The following PLCD3 variants were observed in gnomAD, a reference collection of about 807,000 sequenced individuals.
The protein encoded by PLCD3 is 1-phosphatidylinositol 4,5-bisphosphate phosphodiesterase delta-3.
A neutral mutation model predicts 82.8 loss-of-function variants in PLCD3; 62 were observed. The ratio of observed to expected loss-of-function variants is 0.75; its 90% CI spans 0.61 to 0.93. PLCD3 has a LOEUF of 0.93. PLCD3 is among the 40% of genes least tolerant of loss of function. PLCD3 has a pLI of 0.00. For synonymous variants in PLCD3, 478 were observed against 471.8 expected (o/e 1.01, Z -0.17); for missense variants, 1,023 against 1,103.4 (o/e 0.93, Z 1.03).
Position 45,118,676 on chromosome 17 carries a change from T to C in PLCD3, c.913+139A>G, listed in dbSNP as rs2054311513. Reference sequence around the variant, plus strand: ...GAGGAAGACAAACTGTTGTGCCATTTTACACATGTGGAAGCTGAGTCTGGA... The same window carrying C: ...GAGGAAGACAAACTGTTGTGCCATTCTACACATGTGGAAGCTGAGTCTGGA... On this transcript the variant is annotated intron_variant, in intron 5 of 14. Coordinates refer to ENST00000619929, the MANE Select transcript of PLCD3 (RefSeq NM_133373.5). The surrounding 1 kb of genome is among the most constrained non-coding windows in gnomAD (Gnocchi z 4.1). 4 of 1,126,372 alleles carry C rather than the reference T, an allele frequency of 3.6e-6. No homozygotes were observed. The highest frequency in any genetic ancestry group is 3.0e-4 in the Middle Eastern group (1 of 3,358). 69.8% of individuals were successfully genotyped at this position (1,126,372 alleles called of 1,614,324 possible). A position where few individuals can be genotyped will look rare whatever the true frequency, so the allele number is the denominator to read the frequency against.
chr17:45,115,624 G>T, intron 8 of PLCD3, 134 bp from the exon 9 acceptor site: 1 of 758,888 alleles, frequency 1.3e-6, no homozygotes, highest in Non-Finnish European at 2.1e-6. Flanking sequence ...ACAGAGATGA[G>T]CGATGTTTCT....
chr17:45,124,282 C>A (rs2054364802), intron 1 of PLCD3, among the ~76,000 whole-genome samples: 1 of 152,264 alleles, frequency 6.6e-6, no homozygotes, highest in African/African-American at 2.4e-5. Flanking sequence ...AGCCTGAACG[C>A]CTGACTGGGC....
chr17:45,113,176 G>A lies in PLCD3; in HGVS notation c.2077C>T (p.His693Tyr). 2 of 1,612,756 alleles carry A rather than the reference G, an allele frequency of 1.2e-6. No homozygotes were observed. Among genetic ancestry groups the A allele is most frequent in the Non-Finnish European group, 1.7e-6 (2 of 1,179,470 alleles). The change falls in exon 13 of 15, where the codon CAT becomes TAT. Residue 693 changes from histidine to tyrosine, a missense_variant. His to Tyr is a moderately conservative substitution (Grantham distance 83). Coordinates refer to ENST00000619929, the MANE Select transcript of PLCD3 (RefSeq NM_133373.5). ...IVDPLVRIEI[H>Y]GVPADCARQE... ...CGGGCACAGTCTGCGGGCACCCCAT[G>A]GATCTCAATGCGCACCAGGGGGTCC... is the stretch of plus-strand genomic sequence containing the variant.
At position 45,116,722 on chromosome 17, in the gene PLCD3, G is replaced by A. The variant is rs2054294753; in HGVS notation, c.1323C>T (p.Ala441=). 2.5e-6 allele frequency: 4 copies of A among 1,610,620 alleles called. No homozygotes were observed. In the East Asian group the frequency reaches 9.0e-5, roughly 36 times the overall value. The part of the protein sequence containing the change: ...ENHCGLEQQA[A]MARHLCTILG... Reference sequence around the variant, plus strand: ...GGATGGTGCAGAGGTGGCGGGCCATGGCAGCCTGCTGCTCCAGCCCGCAGT... The same window carrying A: ...GGATGGTGCAGAGGTGGCGGGCCATAGCAGCCTGCTGCTCCAGCCCGCAGT... Residue 441 remains alanine (A), a synonymous_variant, in exon 8 of 15, where the codon GCC becomes GCT. Transcript: ENST00000619929.
rs1181672239 is a variant in PLCD3 at position 45,120,886 on chromosome 17, A to G, written c.554+16T>C. On this transcript the variant is annotated intron_variant, in intron 3 of 14. Transcript: ENST00000619929. ...CTCCAAGGATGGGGCCCTCCCTCCC[A>G]GCCCCGGCAGGATATTGGTCTAGCC... The G allele has an allele frequency of 1.4e-6, 2 of 1,414,100 alleles. No individual in the cohort carries two copies. The highest frequency in any genetic ancestry group is 5.5e-5 in the East Asian group (2 of 36,262). 87.6% of individuals were successfully genotyped at this position (1,414,100 alleles called of 1,614,324 possible). A position where few individuals can be genotyped will look rare whatever the true frequency, so the allele number is the denominator to read the frequency against.
chr17:45,121,400 C>T (rs1399500197), intron 1 of PLCD3, 28 bp from the exon 2 acceptor site: 1 of 1,473,272 alleles, frequency 6.8e-7, no homozygotes, highest in East Asian at 2.6e-5. Flanking sequence ...CCCGGGGCGT[C>T]AGGCCGTACC....
chr17:45,114,561 T>A (rs574017131), intron 10 of PLCD3, 195 bp from the exon 11 acceptor site: 26 of 522,170 alleles, frequency 5.0e-5, no homozygotes, highest in African/African-American at 4.8e-4. Context: ...CCACACAGCC[T>A]GGCCCTGCAT....
At chr17:45,123,871 G>A (rs924870236) in intron 1 of PLCD3, among the ~76,000 whole-genome samples, 2 of 152,058 alleles carry the variant, frequency 1.3e-5, no homozygotes, top group African/African-American at 4.8e-5. Context: ...GTACCCCCTG[G>A]TCAGGAAGGG....
At chr17:45,129,833 C>G (rs548126272) in intron 1 of PLCD3, among the ~76,000 whole-genome samples, 1 of 152,208 alleles carries the variant, frequency 6.6e-6, no homozygotes. Context: ...CCTCCTTCCC[C>G]GCTCATCTGG....
chr17:45,115,597 G>A (rs763122054), intron 8 of PLCD3, 107 bp from the exon 9 acceptor site: 7 of 1,026,642 alleles, frequency 6.8e-6, no homozygotes, highest in Non-Finnish European at 2.8e-6. Flanking sequence ...CTAGGGGTGG[G>A]AGGCAGGAAA....
In PLCD3 at chr17:45,115,357, G is replaced by C; in HGVS notation, c.1547C>G (p.Ala516Gly). The C allele has an allele frequency of 6.5e-7, 1 of 1,536,506 alleles. No individual in the cohort carries two copies. Among genetic ancestry groups the C allele is most frequent in the Non-Finnish European group, 8.8e-7 (1 of 1,137,616 alleles). ...CCCAGCTCTCACCAGCCGCCTCTGCGCTGCAGCCTCCACCTCCTCTTCTTC... is the reference window on the plus strand; with the variant it reads ...CCCAGCTCTCACCAGCCGCCTCTGCCCTGCAGCCTCCACCTCCTCTTCTTC... ...EEEEEEVEAA[A>G]QRRLAKQISP... The change falls in exon 9 of 15, where the codon GCG becomes GGG. Residue 516 changes from alanine (A) to glycine (G), a missense_variant. Physicochemically the swap from Ala to Gly is moderately conservative, Grantham distance 60. This residue lies in a region of PLCD3 where 553 missense variants were observed against 655.7 expected (regional missense o/e 0.84). Coordinates refer to ENST00000619929, the MANE Select transcript of PLCD3 (RefSeq NM_133373.5).
intron 3 of PLCD3, 109 bp downstream of exon 3, chr17:45,120,784 GTGCGCCCTC>G: frequency 8.7e-7 from 1 of 1,154,502 alleles, no homozygotes; most frequent in African/African-American, 2.1e-5. Context: ...GACCCAGACC[GTGCGCCCTC>G]AGGACAGGGC....
intron 4 of PLCD3, among the ~76,000 whole-genome samples, chr17:45,119,628 G>A (rs960598951): frequency 1.3e-5 from 2 of 152,202 alleles, no homozygotes; most frequent in African/African-American, 4.8e-5. Flanking sequence ...AGGAAAAATG[G>A]TGACCCTGGG....
At position 45,115,152 on chromosome 17, in the gene PLCD3, T is replaced by C. The variant is rs1322400592; in HGVS notation, c.1653A>G (p.Gln551=). The C allele has an allele frequency of 5.6e-6, 9 of 1,598,642 alleles. No individual in the cohort carries two copies. The highest frequency in any genetic ancestry group is 7.7e-6 in the Non-Finnish European group (9 of 1,172,816). ...RTLHPAPNAP[Q]PCQVSSLSER... ...CGCTGAGGGAGCTGACCTGGCAGGG[T>C]TGTGGGGCGTTGGGGGCAGGGTGCA... Residue 551 remains glutamine, a synonymous_variant, in exon 10 of 15, where the codon CAA becomes CAG. Transcript: ENST00000619929.
In PLCD3 at chr17:45,121,025, T is replaced by A. The variant is rs1477776473; in HGVS notation, c.431A>T (p.Lys144Met). The A allele has an allele frequency of 6.5e-7, 1 of 1,540,368 alleles. No individual in the cohort carries two copies. The highest frequency in any genetic ancestry group is 8.7e-7 in the Non-Finnish European group (1 of 1,150,552). ...APARCLTIAF[K>M]GRRKNLDLAA... ...CAGGTCCAGGTTCTTGCGGCGGCCC[T>A]TGAAGGCGATGGTGAGGCAGCGCGC... The change falls in exon 3 of 15, where the codon AAG (lysine) becomes ATG (methionine). Residue 144 changes from lysine to methionine, a missense_variant. Transcript: ENST00000619929.
At chr17:45,129,435 T>G (rs2054403854) in intron 1 of PLCD3, 1 of 152,278 alleles carries the variant, frequency 6.6e-6, no homozygotes, top group African/African-American at 2.4e-5. Context: ...GCCACTGCAC[T>G]CCAGCCTGGG....
In PLCD3 at chr17:45,112,960, C is replaced by T; in HGVS notation, c.2184G>A (p.Glu728=). Residue 728 remains glutamate, a synonymous_variant, in exon 14 of 15, where the codon GAG becomes GAA. Coordinates refer to ENST00000619929, the MANE Select transcript of PLCD3 (RefSeq NM_133373.5). ...CCACCACAAACCGGACCAGTGCCAGCTCCGGAGCCCGCAGCTGGAACTGCA... is the reference window on the plus strand; with the variant it reads ...CCACCACAAACCGGACCAGTGCCAGTTCCGGAGCCCGCAGCTGGAACTGCA... The part of the protein sequence containing the change: ...QTLQFQLRAP[E]LALVRFVVED... 2 of 1,612,366 alleles carry T rather than the reference C, an allele frequency of 1.2e-6. No homozygotes were observed. The highest frequency in any genetic ancestry group is 1.1e-5 in the South Asian group (1 of 90,806).
At chr17:45,125,895 C>T (rs557856847) in intron 1 of PLCD3, among the ~76,000 whole-genome samples, 1 of 152,238 alleles carries the variant, frequency 6.6e-6, no homozygotes, top group African/African-American at 2.4e-5. Context: ...AGAGTTATTG[C>T]TTGATGGTTA....
chr17:45,116,818 C>G, intron 7 of PLCD3, 34 bp from the exon 8 acceptor site: 2 of 1,525,296 alleles, frequency 1.3e-6, no homozygotes, highest in Non-Finnish European at 1.8e-6. Flanking sequence ...CAGAGCCACT[C>G]CCCTCCCTCT....
Sources: gnomAD v4.1 joint callset for allele counts (sites outside exome capture counted in the v4.1 genomes callset) on GRCh38, gnomAD v4.1.1 for gene constraint, gnomAD v4.1.1 regional missense constraint, Gnocchi (gnomAD v3.1) non-coding constraint, MANE v1.5 for transcripts, NCBI Gene and HGNC (gene_info 2026-07-23, HGNC 2026-07-21) for gene names.